STUM: variants seen among roughly 807,000 people sequenced by gnomAD.
The protein encoded by STUM is stum, mechanosensory transduction mediator homolog.
STUM carries 8 observed loss-of-function variants against 15.3 expected under a neutral mutation model. That is an observed-to-expected ratio of 0.52 (90% confidence interval 0.31 to 0.94). The LOEUF (loss-of-function observed/expected upper bound fraction) is 0.94. Among genes scored for constraint, STUM ranks in the 40% least tolerant of loss-of-function variants. The pLI is 0.05. For synonymous variants in STUM, 78 were observed against 88.7 expected (o/e 0.88, Z 0.68); for missense variants, 142 against 204.9 (o/e 0.69, Z 1.87).
At chr1:226,589,520 G>A (rs1162458047) in intron 1 of STUM, among the ~76,000 whole-genome samples, 1 of 152,210 alleles carries the variant, frequency 6.6e-6, no homozygotes, top group Non-Finnish European at 1.5e-5. Flanking sequence ...AGCTCTGCTT[G>A]TGTTTTTGCT....
In STUM at chr1:226,567,486, A is replaced by T. The variant is rs974793085; in HGVS notation, c.202+18380A>T. 1.3e-5 allele frequency among the ~76,000 whole-genome samples: 2 copies of T among 152,232 alleles called. No individual in the cohort carries two copies. The highest frequency in any genetic ancestry group is 2.9e-5 in the Non-Finnish European group (2 of 68,030). ...CAGTGGTTGAGGGAAAGCAGATTTA[A>T]TGAGAAGAGGTAGATGGTCCCGATG... On this transcript the variant is annotated intron_variant, in intron 1 of 3. Transcript: ENST00000366788. The surrounding 1 kb of genome is among the most constrained non-coding windows in gnomAD (Gnocchi z 4.5).
At chr1:226,588,761 C>T (rs1668040051) in intron 1 of STUM, among the ~76,000 whole-genome samples, 1 of 152,188 alleles carries the variant, frequency 6.6e-6, no homozygotes, top group African/African-American at 2.4e-5. Flanking sequence ...CTGATTTTGA[C>T]CCTGAACATA....
Position 226,549,228 on chromosome 1 carries a change from C to T in STUM, c.202+122C>T, listed in dbSNP as rs918161342. 9 of 786,774 alleles carry T rather than the reference C, an allele frequency of 1.1e-5. No homozygotes were observed. Among genetic ancestry groups the T allele is most frequent in the Middle Eastern group, 6.6e-4 (2 of 3,018 alleles). The allele number at this position is 786,774 out of a possible 1,614,324, so 48.7% of individuals were successfully genotyped here. A position where few individuals can be genotyped will look rare whatever the true frequency, so the allele number is the denominator to read the frequency against. On this transcript the variant is annotated intron_variant, in intron 1 of 3. Transcript: ENST00000366788. This position sits in a 1 kb window ranked among gnomAD's most constrained non-coding sequence, Gnocchi z 6.8. Reference sequence around the variant, plus strand: ...GCGCGCTCCAAGTGCTGCGACCACGCGCCACCGCCCGCTCCTGGCGTCCCC... The same window carrying T: ...GCGCGCTCCAAGTGCTGCGACCACGTGCCACCGCCCGCTCCTGGCGTCCCC...
Position 226,552,192 on chromosome 1 carries a change from C to G in STUM, c.202+3086C>G, listed in dbSNP as rs1667383925. On this transcript the variant is annotated intron_variant, in intron 1 of 3. Transcript: ENST00000366788. This position sits in a 1 kb window ranked among gnomAD's most constrained non-coding sequence, Gnocchi z 4.7. ...CCCAGTGCCTTCTCCACCCAAGCAA[C>G]AGTGCTCTCGGGATAACACTCATAT... 6.6e-6 allele frequency among the ~76,000 whole-genome samples: 1 copy of G among 152,122 alleles called. No individual in the cohort carries two copies. Among genetic ancestry groups the G allele is most frequent in the African/African-American group, 2.4e-5 (1 of 41,424 alleles).
chr1:226,596,117 C>G (rs1031569166), intron 1 of STUM, among the ~76,000 whole-genome samples: 8 of 152,142 alleles, frequency 5.3e-5, no homozygotes, highest in African/African-American at 1.9e-4. Flanking sequence ...GTGACCGCAC[C>G]CACCACGTTG....
intron 1 of STUM, among the ~76,000 whole-genome samples, chr1:226,585,655 T>C (rs938869478): frequency 6.6e-6 from 1 of 152,210 alleles, no homozygotes; most frequent in African/African-American, 2.4e-5. Flanking sequence ...CTCAGAGGAC[T>C]GACCACACAG....
intron 1 of STUM, among the ~76,000 whole-genome samples, chr1:226,591,846 G>C (rs1935307): frequency 0.43 from 64,605 of 151,678 alleles, 13,968 homozygotes; most frequent in Admixed American, 0.5. Context: ...CATTTCCTAG[G>C]CTGAAAGAGT....
At position 226,600,577 on chromosome 1, in the gene STUM, C is replaced by A. The variant is rs371760571; in HGVS notation, c.383-89C>A. 7 of 1,495,254 alleles carry A rather than the reference C, an allele frequency of 4.7e-6. No homozygotes were observed. 92.6% of individuals were successfully genotyped at this position (1,495,254 alleles called of 1,614,324 possible). A position where few individuals can be genotyped will look rare whatever the true frequency, so the allele number is the denominator to read the frequency against. On this transcript the variant is annotated intron_variant, in intron 2 of 3. Transcript: ENST00000366788. The surrounding 1 kb of genome is among the most constrained non-coding windows in gnomAD (Gnocchi z 5.2). ...GATCTGCTTTGTTTCCTGTGCCAAG[C>A]GTTCCCTGTGGCTCTGTTTTCAGGC...
rs1668243928 is a variant in STUM, at chr1:226,600,235, G to A, written c.383-431G>A. ...GATCACTTGAGACCAGGAGTTTGAG[G>A]CTGCAGTGAGACATGATCACACCAC... On this transcript the variant is annotated intron_variant, in intron 2 of 3. Transcript: ENST00000366788. The surrounding 1 kb of genome is among the most constrained non-coding windows in gnomAD (Gnocchi z 5.2). Among the ~76,000 whole-genome samples, 1 of 152,190 alleles carries A rather than the reference G, an allele frequency of 6.6e-6. No individual in the cohort carries two copies. The highest frequency in any genetic ancestry group is 6.5e-5 in the Admixed American group (1 of 15,278).
chr1:226,560,885 C>G (rs1667530454), intron 1 of STUM, among the ~76,000 whole-genome samples: 1 of 152,202 alleles, frequency 6.6e-6, no homozygotes, highest in South Asian at 2.1e-4. Context: ...GAACCAAGTT[C>G]ACATTCCACA....
Position 226,589,681 on chromosome 1 carries a change from A to C in STUM, c.203-7121A>C, listed in dbSNP as rs545989635. Among the ~76,000 whole-genome samples the C allele has an allele frequency of 2.0e-5, 3 of 152,128 alleles. No individual in the cohort carries two copies. In the South Asian group the frequency reaches 6.2e-4, roughly 32 times the overall value. On this transcript the variant is annotated intron_variant, in intron 1 of 3. Transcript: ENST00000366788. ...GTGGTTGACAATACAGTTCATTACC[A>C]TCATTTTCCTTGTGCCAGTTAGTGT...
chr1:226,602,364 C>T lies in STUM; in HGVS notation c.*324C>T, dbSNP rs1322585757. On this transcript the variant is annotated 3_prime_UTR_variant, in exon 4 of 4. Coordinates refer to ENST00000366788, the MANE Select transcript of STUM (RefSeq NM_001003665.4). ...TGGCCTTGCTGTACCCACTGCCCAC[C>T]GCAAAGGCACGCCACGTCTGCTGGG... 18 of 351,876 alleles carry T rather than the reference C, an allele frequency of 5.1e-5. No individual in the cohort carries two copies. The highest frequency in any genetic ancestry group is 1.6e-4 in the South Asian group (4 of 25,492). 21.8% of individuals were successfully genotyped at this position (351,876 alleles called of 1,614,324 possible). A position where few individuals can be genotyped will look rare whatever the true frequency, so the allele number is the denominator to read the frequency against.
chr1:226,556,979 GTGAGGACATT>G (rs747586228), intron 1 of STUM, among the ~76,000 whole-genome samples: 1 of 152,112 alleles, frequency 6.6e-6, no homozygotes, highest in Non-Finnish European at 1.5e-5. Context: ...ACTTTTTGTG[GTGAGGACATT>G]TGAAGTTTAC....
At chr1:226,578,797 G>T (rs1351334977) in intron 1 of STUM, among the ~76,000 whole-genome samples, 2 of 152,144 alleles carry the variant, frequency 1.3e-5, no homozygotes, top group East Asian at 1.9e-4. Context: ...GCCTTGGAAG[G>T]CCTCTCCCCT....
chr1:226,581,066 A>C (rs1193222859), intron 1 of STUM, among the ~76,000 whole-genome samples: 1 of 152,230 alleles, frequency 6.6e-6, no homozygotes, highest in South Asian at 2.1e-4. Context: ...TCTTCTTTCC[A>C]GCCCATAGGA....
At chr1:226,590,611 G>A (rs546007175) in intron 1 of STUM, among the ~76,000 whole-genome samples, 1 of 152,200 alleles carries the variant, frequency 6.6e-6, no homozygotes, top group East Asian at 1.9e-4. Context: ...ACTTGAAATT[G>A]ACACCTCTAG....
chr1:226,579,961 A>G (rs899227576), intron 1 of STUM, among the ~76,000 whole-genome samples: 3 of 152,160 alleles, frequency 2.0e-5, no homozygotes, highest in African/African-American at 4.8e-5. Context: ...GAGCAGCCGA[A>G]GGATAATCAT....
At chr1:226,578,654 C>T (rs956142005) in intron 1 of STUM, among the ~76,000 whole-genome samples, 4 of 152,184 alleles carry the variant, frequency 2.6e-5, no homozygotes, top group Non-Finnish European at 5.9e-5. Flanking sequence ...TGAGCCACTG[C>T]ACCCAGCCCC....
In STUM at chr1:226,600,717, G is replaced by A; in HGVS notation, c.391+43G>A. On this transcript the variant is annotated intron_variant, in intron 3 of 3. Transcript: ENST00000366788. The surrounding 1 kb of genome is among the most constrained non-coding windows in gnomAD (Gnocchi z 5.2). The stretch of plus-strand genomic sequence containing the variant: ...CGTGCGGGCCTCGTGCTGCTGCTTG[G>A]GGCCCTCCCCTCCCCCGAGACCCCC... The A allele has an allele frequency of 1.2e-6, 2 of 1,606,796 alleles. No individual in the cohort carries two copies. The highest frequency in any genetic ancestry group is 1.7e-6 in the Non-Finnish European group (2 of 1,178,936).
Sources: allele counts gnomAD v4.1 joint callset (sites outside exome capture counted in the v4.1 genomes callset), GRCh38; gene constraint gnomAD v4.1.1; non-coding constraint Gnocchi (gnomAD v3.1); transcripts MANE v1.5; gene names NCBI Gene and HGNC (gene_info 2026-07-23, HGNC 2026-07-21).